The following GRID2 variants were observed in gnomAD, a reference collection of about 807,000 sequenced individuals.
GRID2 encodes the protein glutamate ionotropic receptor delta type subunit 2, also known as glutamate receptor ionotropic, delta-2.
A neutral mutation model predicts 114.8 loss-of-function variants in GRID2; 33 were observed. The ratio of observed to expected loss-of-function variants is 0.29; its 90% confidence interval spans 0.22 to 0.38. GRID2 has a LOEUF of 0.38. GRID2 is among the 10% of genes least tolerant of loss of function. The pLI is 1.00. For synonymous variants in GRID2, 505 were observed against 449.9 expected (o/e 1.12, Z -1.55); for missense variants, 1,184 against 1,257.7 (o/e 0.94, Z 0.89).
intron 1 of GRID2, among the ~76,000 whole-genome samples, chr4:93,805,821 G>A (rs1234087046): frequency 6.6e-6 from 1 of 152,228 alleles, no homozygotes; most frequent in African/African-American, 2.4e-5. Flanking sequence ...ATTCGGCCGA[G>A]TGTGGTGGCT....
chr4:93,208,368 T>C (rs1265113037), intron 5 of GRID2, among the ~76,000 whole-genome samples: 1 of 151,926 alleles, frequency 6.6e-6, no homozygotes, highest in Non-Finnish European at 1.5e-5. Flanking sequence ...TGGACAAGTA[T>C]AATAACAATT....
At chr4:93,188,056 G>T (rs1740611879) in intron 4 of GRID2, among the ~76,000 whole-genome samples, 4 of 152,224 alleles carry the variant, frequency 2.6e-5, no homozygotes, top group Non-Finnish European at 5.9e-5. Context: ...AATGCAACCA[G>T]TATTGCAGCT....
At chr4:93,248,179 C>T (rs1365127834) in intron 8 of GRID2, among the ~76,000 whole-genome samples, 2 of 152,128 alleles carry the variant, frequency 1.3e-5, no homozygotes, top group African/African-American at 4.8e-5. Flanking sequence ...CAACCTAATT[C>T]CTAGTTTCAG....
At chr4:92,313,211 A>G (rs1167594277) in intron 1 of GRID2, among the ~76,000 whole-genome samples, 1 of 152,022 alleles carries the variant, frequency 6.6e-6, no homozygotes, top group South Asian at 2.1e-4. Flanking sequence ...TATTATTCTA[A>G]GTGAAGTAAT....
intron 2 of GRID2, among the ~76,000 whole-genome samples, chr4:92,820,387 A>T (rs1207356241): frequency 6.6e-6 from 1 of 152,178 alleles, no homozygotes; most frequent in Non-Finnish European, 1.5e-5. Flanking sequence ...TTAAGCTGAA[A>T]GTCAGAGAAA....
chr4:93,544,999 T>G (rs142203808), intron 13 of GRID2, among the ~76,000 whole-genome samples: 2 of 152,256 alleles, frequency 1.3e-5, no homozygotes, highest in Non-Finnish European at 2.9e-5. Context: ...GATACCATTT[T>G]ACACCCCCTA....
chr4:92,540,670 T>C (rs1210857708), intron 1 of GRID2, among the ~76,000 whole-genome samples: 1 of 152,078 alleles, frequency 6.6e-6, no homozygotes, highest in Admixed American at 6.5e-5. Context: ...TGTGGAGAAA[T>C]AGGAACACTT....
chr4:92,708,405 T>C (rs1386911158), intron 2 of GRID2, among the ~76,000 whole-genome samples: 1 of 152,146 alleles, frequency 6.6e-6, no homozygotes, highest in African/African-American at 2.4e-5. Context: ...TCCTGGGGGA[T>C]GGTAATACTG....
At chr4:93,261,153 TA>T (rs200882715) in intron 8 of GRID2, among the ~76,000 whole-genome samples, 154 of 151,094 alleles carry the variant, frequency 1.0e-3, no homozygotes, top group African/African-American at 3.0e-3. Context: ...TGACACATGT[TA>T]AAAAAAAACA....
intron 1 of GRID2, among the ~76,000 whole-genome samples, chr4:92,379,806 A>G (rs1196824906): frequency 1.3e-5 from 2 of 152,034 alleles, no homozygotes; most frequent in Admixed American, 1.3e-4. Context: ...AGATGGCTAG[A>G]GCTTATTTTA....
At chr4:93,476,744 G>A (rs997348635) in intron 11 of GRID2, among the ~76,000 whole-genome samples, 10 of 152,078 alleles carry the variant, frequency 6.6e-5, no homozygotes, top group African/African-American at 2.2e-4. Context: ...ACATGTGATG[G>A]GAAGTATTCT....
chr4:93,752,853 G>A (rs1353158723), intron 14 of GRID2, among the ~76,000 whole-genome samples: 2 of 151,940 alleles, frequency 1.3e-5, no homozygotes, highest in Non-Finnish European at 2.9e-5. Flanking sequence ...ACATTGTTTT[G>A]CAGGTAAAAT....
chr4:92,629,464 C>T (rs1730683700), intron 2 of GRID2, among the ~76,000 whole-genome samples: 1 of 152,038 alleles, frequency 6.6e-6, no homozygotes, highest in South Asian at 2.1e-4. Flanking sequence ...AGGCGACTCC[C>T]CTAGGTATTC....
intron 12 of GRID2, among the ~76,000 whole-genome samples, chr4:93,514,605 C>G (rs1477839256): frequency 6.6e-6 from 1 of 152,114 alleles, no homozygotes; most frequent in Non-Finnish European, 1.5e-5. Flanking sequence ...GATCAAGTCA[C>G]TTATTCTCTC....
intron 14 of GRID2, among the ~76,000 whole-genome samples, chr4:93,717,984 G>A (rs1421104176): frequency 1.3e-5 from 2 of 152,088 alleles, no homozygotes; most frequent in African/African-American, 2.4e-5. Flanking sequence ...GGCTGGGTGC[G>A]GTGACTTACG....
intron 11 of GRID2, among the ~76,000 whole-genome samples, chr4:93,459,585 G>C (rs915463256): frequency 6.6e-6 from 1 of 152,178 alleles, no homozygotes; most frequent in African/African-American, 2.4e-5. Flanking sequence ...GACATACCTA[G>C]ATATAATTAA....
At chr4:92,340,880 GT>G (rs1727445538) in intron 1 of GRID2, among the ~76,000 whole-genome samples, 1 of 152,092 alleles carries the variant, frequency 6.6e-6, no homozygotes, top group Non-Finnish European at 1.5e-5. Context: ...CTGTCTCTGA[GT>G]TTTTTTCTGA....
At chr4:93,603,514 C>T (rs2149645439) in intron 13 of GRID2, among the ~76,000 whole-genome samples, 1 of 152,310 alleles carries the variant, frequency 6.6e-6, no homozygotes, top group Middle Eastern at 3.4e-3. Context: ...GACACTGCGG[C>T]AGGTGATCCA....
At chr4:92,919,443 T>G (rs1749114327) in intron 2 of GRID2, among the ~76,000 whole-genome samples, 1 of 152,240 alleles carries the variant, frequency 6.6e-6, no homozygotes, top group Admixed American at 6.5e-5. Context: ...ATTGTGATGT[T>G]AGGGTGTCAA....
Sources: allele counts gnomAD v4.1 joint callset (sites outside exome capture counted in the v4.1 genomes callset), GRCh38; gene constraint gnomAD v4.1.1; transcripts MANE v1.5; gene names NCBI Gene and HGNC (gene_info 2026-07-23, HGNC 2026-07-21).